TEX11: variants seen among roughly 807,000 people sequenced by gnomAD.
TEX11 encodes the protein testis expressed 11.
In TEX11, 7 loss-of-function variants were observed where a neutral mutation model predicts 84.4. That is an observed-to-expected ratio of 0.08 (90% CI 0.05 to 0.16). TEX11 has a LOEUF of 0.16. TEX11 is among the 10% of genes least tolerant of loss of function. The probability of loss-of-function intolerance (pLI) is 1.00; values close to 1 mark genes in which losing one functional copy is unlikely to be tolerated. For synonymous variants in TEX11, 264 were observed against 222.8 expected, an observed-to-expected ratio of 1.18 and a Z score of -1.64; for missense variants, 551 against 660.5, an observed-to-expected ratio of 0.83 and a Z score of 1.82.
intron 13 of TEX11, among the ~76,000 whole-genome samples, chrX:70,713,519 G>A (rs2090461834): frequency 1.8e-5 from 2 of 111,868 alleles, no homozygotes; most frequent in South Asian, 7.4e-4. Flanking sequence ...TTTAGTCTTG[G>A]GAGAGTGTAA....
At chrX:70,870,892 G>A (rs2091626194) in intron 4 of TEX11, among the ~76,000 whole-genome samples, 1 of 111,157 alleles carries the variant, frequency 9.0e-6, no homozygotes, top group Admixed American at 9.6e-5. Flanking sequence ...TTTTTCACAG[G>A]CTTCACAGGT....
chrX:70,728,485 G>A (rs958903244), intron 11 of TEX11, among the ~76,000 whole-genome samples: 2 of 113,030 alleles, frequency 1.8e-5, no homozygotes, highest in East Asian at 2.8e-4. Flanking sequence ...CACTTCCAAC[G>A]GTCTTAGCAA....
At chrX:70,730,573 T>C (rs1314927126) in intron 11 of TEX11, among the ~76,000 whole-genome samples, 3 of 111,801 alleles carry the variant, frequency 2.7e-5, no homozygotes. Context: ...TACATAATGG[T>C]AAAAGGATCA....
intron 7 of TEX11, among the ~76,000 whole-genome samples, chrX:70,839,636 C>T (rs963021148): frequency 1.3e-4 from 14 of 111,913 alleles, no homozygotes; most frequent in East Asian, 8.4e-4. Context: ...CAAAGCTGGA[C>T]GAAGAATGAC....
At chrX:70,888,385 T>C (rs1409236627) in intron 2 of TEX11, among the ~76,000 whole-genome samples, 2 of 112,505 alleles carry the variant, frequency 1.8e-5, no homozygotes, top group Non-Finnish European at 3.7e-5. Flanking sequence ...ATTGAAATAC[T>C]TTAAATTAAT....
At chrX:70,744,126 T>A (rs1215417287) in intron 10 of TEX11, 39 bp downstream of exon 10, 1 of 885,259 alleles carries the variant, frequency 1.1e-6, no homozygotes, top group Middle Eastern at 3.6e-4. Flanking sequence ...TAAAGCAGGT[T>A]ATTCAACCTA....
chrX:70,581,126 C>A (rs780823127), intron 25 of TEX11, among the ~76,000 whole-genome samples: 9 of 108,990 alleles, frequency 8.3e-5, no homozygotes, highest in African/African-American at 3.0e-4. Context: ...CACAGCCTCC[C>A]GAGTAGCTGG....
intron 20 of TEX11, among the ~76,000 whole-genome samples, chrX:70,613,732 C>T (rs2089288390): frequency 9.0e-6 from 1 of 111,592 alleles, no homozygotes; most frequent in Non-Finnish European, 1.9e-5. Flanking sequence ...GTGCTTGTTC[C>T]ACCCCTCCCC....
intron 2 of TEX11, 49 bp from the exon 3 acceptor site, chrX:70,880,158 TAAATGTAG>T (rs1447464193): frequency 1.0e-6 from 1 of 1,004,003 alleles, no homozygotes; most frequent in Non-Finnish European, 1.3e-6. Flanking sequence ...TACCATTGGC[TAAATGTAG>T]CAAATCATTT....
chrX:70,791,209 T>C lies in TEX11; in HGVS notation c.692+15496A>G, dbSNP rs769976084. ...ATAAAAACAGAAAAAAAAGCAGGGG[T>C]CACTATTCTTATATCAGATAAAACA... is the stretch of plus-strand genomic sequence containing the variant. On this transcript the variant is annotated intron_variant, in intron 9 of 29. Transcript: ENST00000374333. Among the ~76,000 whole-genome samples the C allele has an allele frequency of 6.3e-5, 7 of 111,052 alleles. No individual in the cohort carries two copies. In the East Asian group the frequency reaches 2.0e-3, roughly 31 times the overall value.
intron 25 of TEX11, among the ~76,000 whole-genome samples, chrX:70,555,233 T>A (rs1275703117): frequency 1.8e-5 from 2 of 112,165 alleles, no homozygotes; most frequent in African/African-American, 6.5e-5. Flanking sequence ...GTGACTTTAT[T>A]TTAAGCAGAA....
chrX:70,761,370 T>C (rs897770055), intron 9 of TEX11, among the ~76,000 whole-genome samples: 2 of 111,950 alleles, frequency 1.8e-5, no homozygotes, highest in African/African-American at 3.2e-5. Flanking sequence ...CAAATGTCCA[T>C]CAATGATAGA....
chrX:70,630,640 A>G (rs1471305943), intron 17 of TEX11, among the ~76,000 whole-genome samples: 4 of 112,012 alleles, frequency 3.6e-5, no homozygotes, highest in Non-Finnish European at 7.5e-5. Flanking sequence ...AAGATAATTA[A>G]TAAGATGCTA....
chrX:70,787,091 G>A (rs1234596870), intron 9 of TEX11, among the ~76,000 whole-genome samples: 1 of 111,442 alleles, frequency 9.0e-6, no homozygotes, highest in Non-Finnish European at 1.9e-5. Context: ...CCAAGATTGT[G>A]CCATTGCACT....
chrX:70,793,243 T>C (rs1050196392), intron 9 of TEX11, among the ~76,000 whole-genome samples: 1 of 111,832 alleles, frequency 8.9e-6, no homozygotes, highest in Admixed American at 9.5e-5. Flanking sequence ...AACATCATAA[T>C]GAACAGGCCA....
At chrX:70,875,108 G>A (rs781129683) in intron 3 of TEX11, among the ~76,000 whole-genome samples, 31 of 110,182 alleles carry the variant, frequency 2.8e-4, no homozygotes, top group African/African-American at 9.2e-4. Context: ...CCCAGGAGGC[G>A]GAGGTTGCAG....
intron 28 of TEX11, among the ~76,000 whole-genome samples, chrX:70,539,612 C>A (rs2088015301): frequency 9.0e-6 from 1 of 111,430 alleles, no homozygotes. Context: ...TCCCCCCCAC[C>A]ATTATTTAAG....
chrX:70,898,894 G>A (rs151140903), intron 2 of TEX11, among the ~76,000 whole-genome samples: 2,556 of 111,498 alleles, frequency 0.023, 24 homozygotes, highest in African/African-American at 0.031. Context: ...CGTGAGCCAC[G>A]GCACCCGGCC....
intron 24 of TEX11, among the ~76,000 whole-genome samples, chrX:70,597,391 TATA>T (rs1465054117): frequency 9.0e-6 from 1 of 111,681 alleles, no homozygotes; most frequent in African/African-American, 3.3e-5. Flanking sequence ...TACATAAAGC[TATA>T]ATTATCAAGG....
Sources: allele counts gnomAD v4.1 joint callset (sites outside exome capture counted in the v4.1 genomes callset), GRCh38; gene constraint gnomAD v4.1.1; transcripts MANE v1.5; gene names NCBI Gene and HGNC (gene_info 2026-07-23, HGNC 2026-07-21).